The following DGKB variants were observed in gnomAD, a reference collection of about 807,000 sequenced individuals.
DGKB encodes the protein diacylglycerol kinase beta.
Under a neutral mutation model 114.3 loss-of-function variants are expected in DGKB, and 67 were observed. The observed-to-expected ratio is 0.59, with a 90% confidence interval of 0.48 to 0.72. DGKB has a LOEUF of 0.72. DGKB is among the 30% of genes least tolerant of loss of function. DGKB has a pLI of 0.00. For missense variants in DGKB, 907 were observed against 975.2 expected, an observed-to-expected ratio of 0.93 and a Z score of 0.93; for synonymous variants, 398 against 323.1, an observed-to-expected ratio of 1.23 and a Z score of -2.49.
intron 17 of DGKB, among the ~76,000 whole-genome samples, chr7:14,583,866 C>T (rs565332724): frequency 6.6e-6 from 1 of 152,166 alleles, no homozygotes; most frequent in Admixed American, 6.6e-5. Flanking sequence ...CAGTCATAGC[C>T]TATTTTATTG....
In DGKB at chr7:14,179,203, G is replaced by A. The variant is rs1273307225; in HGVS notation, c.2123-1052C>T. Among the ~76,000 whole-genome samples the A allele has an allele frequency of 2.0e-5, 3 of 152,182 alleles. No homozygotes were observed. The East Asian group carries it at 5.8e-4, about 29-fold the overall frequency. ...AATATTTGCATTCAGCCAGAAAGCAGAAGTTGAACTCACATCAATAGAATC... is the reference window on the plus strand; with the variant it reads ...AATATTTGCATTCAGCCAGAAAGCAAAAGTTGAACTCACATCAATAGAATC... On this transcript the variant is annotated intron_variant, in intron 23 of 25. Transcript: ENST00000402815.
intron 20 of DGKB, among the ~76,000 whole-genome samples, chr7:14,495,644 G>A (rs1785200382): frequency 6.6e-6 from 1 of 151,648 alleles, no homozygotes; most frequent in Admixed American, 6.6e-5. Flanking sequence ...AGTCAGAACA[G>A]ATGTCCAAAT....
At chr7:14,794,557 T>A (rs1326593938) in intron 2 of DGKB, among the ~76,000 whole-genome samples, 1 of 152,150 alleles carries the variant, frequency 6.6e-6, no homozygotes, top group Non-Finnish European at 1.5e-5. Context: ...AAGTGCTGCA[T>A]AAATGACTTA....
At chr7:14,422,521 G>A (rs1826874762) in intron 21 of DGKB, among the ~76,000 whole-genome samples, 1 of 151,988 alleles carries the variant, frequency 6.6e-6, no homozygotes, top group Non-Finnish European at 1.5e-5. Context: ...ACATACCGCA[G>A]CAGAGGACAC....
intron 1 of DGKB, among the ~76,000 whole-genome samples, chr7:14,926,388 A>G (rs939019095): frequency 3.3e-5 from 5 of 151,654 alleles, no homozygotes; most frequent in African/African-American, 1.2e-4. Context: ...GAATATTCGA[A>G]TGTTTCATTT....
intron 2 of DGKB, among the ~76,000 whole-genome samples, chr7:14,768,410 T>G (rs1393531615): frequency 1.3e-5 from 2 of 149,512 alleles, no homozygotes; most frequent in African/African-American, 5.1e-5. Flanking sequence ...GAAACAATAC[T>G]TAAGGACTCT....
chr7:14,263,693 T>C (rs1318035048), intron 23 of DGKB, among the ~76,000 whole-genome samples: 1 of 152,192 alleles, frequency 6.6e-6, no homozygotes, highest in East Asian at 1.9e-4. Flanking sequence ...TTTGAGAACA[T>C]TGTAGATTCA....
intron 17 of DGKB, among the ~76,000 whole-genome samples, chr7:14,587,934 T>A (rs1338315979): frequency 1.3e-5 from 2 of 152,180 alleles, no homozygotes; most frequent in African/African-American, 4.8e-5. Context: ...GATATTCACT[T>A]TATTGTGGTG....
chr7:14,674,926 T>C (rs1393004493), intron 12 of DGKB, among the ~76,000 whole-genome samples: 1 of 152,116 alleles, frequency 6.6e-6, no homozygotes, highest in East Asian at 1.9e-4. Flanking sequence ...TAGGCACCTA[T>C]TATATGACAT....
chr7:14,760,704 G>A (rs1835558338), intron 2 of DGKB, among the ~76,000 whole-genome samples: 1 of 151,966 alleles, frequency 6.6e-6, no homozygotes, highest in Non-Finnish European at 1.5e-5. Context: ...TAAAATGGAA[G>A]GCGGAGAAAA....
At chr7:14,330,966 A>G (rs1435046627) in intron 23 of DGKB, among the ~76,000 whole-genome samples, 1 of 151,764 alleles carries the variant, frequency 6.6e-6, no homozygotes, top group Non-Finnish European at 1.5e-5. Flanking sequence ...ACTTTTTATT[A>G]CTTTTTACAA....
intron 1 of DGKB, among the ~76,000 whole-genome samples, chr7:14,856,126 T>C (rs1373981182): frequency 6.6e-6 from 1 of 152,046 alleles, no homozygotes; most frequent in African/African-American, 2.4e-5. Flanking sequence ...CAGATATAAG[T>C]CTAATGGCAT....
At chr7:14,351,698 T>C (rs1232728171) in intron 21 of DGKB, among the ~76,000 whole-genome samples, 1 of 152,198 alleles carries the variant, frequency 6.6e-6, no homozygotes. Context: ...CTCAAATTTG[T>C]AAAAATTATG....
intron 2 of DGKB, among the ~76,000 whole-genome samples, chr7:14,766,739 G>C (rs1373969565): frequency 6.6e-6 from 1 of 151,802 alleles, no homozygotes; most frequent in African/African-American, 2.4e-5. Flanking sequence ...AGCAAGGACT[G>C]AGTTTTGAGT....
chr7:14,279,360 C>T (rs1288755717), intron 23 of DGKB, among the ~76,000 whole-genome samples: 2 of 152,116 alleles, frequency 1.3e-5, no homozygotes, highest in African/African-American at 4.8e-5. Flanking sequence ...CTGGGAAGCT[C>T]CAACTGGGTG....
intron 23 of DGKB, among the ~76,000 whole-genome samples, chr7:14,303,524 C>A (rs1407125114): frequency 2.0e-5 from 3 of 151,886 alleles, no homozygotes; most frequent in Non-Finnish European, 4.4e-5. Context: ...TATCTGAATA[C>A]TAATTTATTT....
At chr7:14,374,941 T>C (rs1023810929) in intron 21 of DGKB, among the ~76,000 whole-genome samples, 13 of 152,198 alleles carry the variant, frequency 8.5e-5, no homozygotes, top group African/African-American at 3.1e-4. Flanking sequence ...ACTTCATATG[T>C]GATATTCCCT....
intron 23 of DGKB, among the ~76,000 whole-genome samples, chr7:14,326,791 T>A (rs924324667): frequency 1.3e-5 from 2 of 152,100 alleles, no homozygotes; most frequent in Non-Finnish European, 1.5e-5. Flanking sequence ...ATTTTCTGAT[T>A]AGGGCTTTCA....
intron 23 of DGKB, among the ~76,000 whole-genome samples, chr7:14,234,961 A>ACT (rs1792534012): frequency 1.3e-5 from 2 of 151,954 alleles, no homozygotes; most frequent in African/African-American, 4.8e-5. Context: ...TCTGTTTGAA[A>ACT]CTCATTTTAA....
Sources: gnomAD v4.1 joint callset for allele counts (sites outside exome capture counted in the v4.1 genomes callset) on GRCh38, gnomAD v4.1.1 for gene constraint, MANE v1.5 for transcripts, NCBI Gene and HGNC (gene_info 2026-07-23, HGNC 2026-07-21) for gene names.